KAT7: variants seen among roughly 807,000 people sequenced by gnomAD.
KAT7 encodes histone acetyltransferase KAT7.
KAT7 carries 10 observed loss-of-function variants against 82.1 expected under a neutral mutation model. The observed-to-expected ratio is 0.12, with a 90% CI of 0.08 to 0.21. KAT7 has a LOEUF of 0.21. Ranked by LOEUF, KAT7 falls within the 10% of genes least tolerant of loss-of-function variation. KAT7 has a pLI of 1.00. For synonymous variants in KAT7, 250 were observed against 262.5 expected, an observed-to-expected ratio of 0.95 and a Z score of 0.46; for missense variants, 378 against 760.9, an observed-to-expected ratio of 0.50 and a Z score of 5.92.
At chr17:49,802,224 T>C (rs2074033665) in intron 4 of KAT7, among the ~76,000 whole-genome samples, 1 of 152,212 alleles carries the variant, frequency 6.6e-6, no homozygotes, top group Non-Finnish European at 1.5e-5. Context: ...TGTATGTACA[T>C]ATTTTGGTGT....
chr17:49,826,160 T>C lies in KAT7; in HGVS notation c.1627+14T>C. 5 of 1,611,370 alleles carry C rather than the reference T, an allele frequency of 3.1e-6. No homozygotes were observed. Among genetic ancestry groups the C allele is most frequent in the Non-Finnish European group, 4.2e-6 (5 of 1,177,768 alleles). Reference sequence around the variant, plus strand: ...TTTCTATCAAAGGTTGGTTTTTGACTCCTTGGAATGGTTGATTGTTACCCA... The same window carrying C: ...TTTCTATCAAAGGTTGGTTTTTGACCCCTTGGAATGGTTGATTGTTACCCA... On this transcript the variant is annotated intron_variant, in intron 13 of 14. Transcript: ENST00000259021.
At chr17:49,797,067 T>G in intron 3 of KAT7, 141 bp downstream of exon 3, 1 of 149,808 alleles carries the variant, frequency 6.7e-6, no homozygotes. Context: ...TTCTTATGTC[T>G]TTTTTTTTTT....
At chr17:49,791,672 T>G (rs1442927431) in intron 1 of KAT7, among the ~76,000 whole-genome samples, 1 of 152,188 alleles carries the variant, frequency 6.6e-6, no homozygotes, top group African/African-American at 2.4e-5. Flanking sequence ...CTTCATTTAT[T>G]TAACAAAATT....
chr17:49,794,913 A>G (rs1382964194), intron 2 of KAT7, among the ~76,000 whole-genome samples: 1 of 152,206 alleles, frequency 6.6e-6, no homozygotes, highest in Non-Finnish European at 1.5e-5. Context: ...TTGGAGATGT[A>G]CAAATGGATA....
Position 49,831,942 on chromosome 17 carries a change from A to C in KAT7, c.*4440A>C. The C allele has an allele frequency of 6.7e-6, 1 of 150,176 alleles. No individual in the cohort carries two copies. Among genetic ancestry groups the C allele is most frequent in the East Asian group, 2.0e-4 (1 of 5,118 alleles). The allele number at this position is 150,176 out of a possible 1,614,324, so 9.3% of individuals were successfully genotyped here. A position where few individuals can be genotyped will look rare whatever the true frequency, so the allele number is the denominator to read the frequency against. Reference sequence around the variant, plus strand: ...CCAAAGTGCTGGGATTACAGGCGTGAGCCATTGCACCCAGCCATTTTTTTT... The same window carrying C: ...CCAAAGTGCTGGGATTACAGGCGTGCGCCATTGCACCCAGCCATTTTTTTT... On this transcript the variant is annotated 3_prime_UTR_variant, in exon 15 of 15. Transcript: ENST00000259021.
chr17:49,827,401 G>T lies in KAT7; in HGVS notation c.1735G>T (p.Asp579Tyr). The T allele has an allele frequency of 6.3e-7, 1 of 1,589,232 alleles. No individual in the cohort carries two copies. Among genetic ancestry groups the T allele is most frequent in the Non-Finnish European group, 8.6e-7 (1 of 1,157,502 alleles). Residue 579 changes from aspartate (D) to tyrosine (Y), a missense_variant and splice_region_variant, in exon 15 of 15, where the codon GAC becomes TAC. Asp to Tyr is a radical substitution (Grantham distance 160, BLOSUM62 -3). Transcript: ENST00000259021. The stretch of plus-strand genomic sequence containing the variant: ...CCTTTTTCCCATTGTTCTCCCTCAG[G>T]ACCTGATTGATGAGTGGATAGCCAA... ...KGKHLVLKRQ[D>Y]LIDEWIAKEA...
At chr17:49,818,401 C>G (rs574946126) in intron 9 of KAT7, among the ~76,000 whole-genome samples, 5 of 152,316 alleles carry the variant, frequency 3.3e-5, no homozygotes, top group Admixed American at 3.3e-4. Context: ...CTTCATATCC[C>G]TAGCAACTAG....
chr17:49,812,828 A>G (rs931168643), intron 7 of KAT7, among the ~76,000 whole-genome samples: 1 of 151,290 alleles, frequency 6.6e-6, no homozygotes, highest in Non-Finnish European at 1.5e-5. Flanking sequence ...TCAGCCTCCC[A>G]AGTAGCTGGG....
chr17:49,820,837 A>C (rs2143968824), intron 9 of KAT7, among the ~76,000 whole-genome samples: 3 of 150,510 alleles, frequency 2.0e-5, no homozygotes, highest in Middle Eastern at 6.9e-3. Context: ...GCAGGGGAGA[A>C]GGGCAGACAG....
rs147046894 is a variant in KAT7 at position 49,798,297 on chromosome 17, C to A, written c.341-22C>A. 14 of 1,609,750 alleles carry A rather than the reference C, an allele frequency of 8.7e-6. No homozygotes were observed. The Middle Eastern group carries it at 9.9e-4, about 114-fold the overall frequency. Reference sequence around the variant, plus strand: ...AATAAATGAACTCCACTCATAACTTCTACCAATTGCTTTTGCTTTAGAAAC... The same window carrying A: ...AATAAATGAACTCCACTCATAACTTATACCAATTGCTTTTGCTTTAGAAAC... On this transcript the variant is annotated intron_variant, in intron 3 of 14. Coordinates refer to ENST00000259021, the MANE Select transcript of KAT7 (RefSeq NM_007067.5).
At chr17:49,789,898 GAGA>G (rs2073863256) in intron 1 of KAT7, 1 of 152,170 alleles carries the variant, frequency 6.6e-6, no homozygotes, top group African/African-American at 2.4e-5. Flanking sequence ...AAAAGCCACA[GAGA>G]AGAGCTGAGT....
At chr17:49,811,617 T>C in intron 7 of KAT7, 43 bp downstream of exon 7, 1 of 990,950 alleles carries the variant, frequency 1.0e-6, no homozygotes, top group Non-Finnish European at 1.4e-6. Context: ...ACTCCTGCTA[T>C]CACATTTGAT....
At chr17:49,789,011 G>T in intron 1 of KAT7, 162 bp downstream of exon 1, 1 of 561,912 alleles carries the variant, frequency 1.8e-6, no homozygotes, top group Non-Finnish European at 2.9e-6. Context: ...AAAAATGTGG[G>T]CCCGACCCTG....
chr17:49,806,668 T>TA, intron 5 of KAT7, among the ~76,000 whole-genome samples: 1 of 152,366 alleles, frequency 6.6e-6, no homozygotes, highest in South Asian at 2.1e-4. Flanking sequence ...TGGTTTTACA[T>TA]AAAAATCTTC....
At position 49,804,634 on chromosome 17, in the gene KAT7, G is replaced by C. The variant is rs61285273; in HGVS notation, c.581-729G>C. Among the ~76,000 whole-genome samples the C allele has an allele frequency of 8.6e-3, 1,308 of 152,184 alleles. 20 individuals carry two copies. Among genetic ancestry groups the C allele is most frequent in the African/African-American group, 0.03 (1,233 of 41,522 alleles). On this transcript the variant is annotated intron_variant, in intron 4 of 14. Coordinates refer to ENST00000259021, the MANE Select transcript of KAT7 (RefSeq NM_007067.5). ...CAAAAAATTTTAAAATGGGCCCAGCGTGATGTTGTGAGCCTGTAGTCCCAG... is the reference window on the plus strand; with the variant it reads ...CAAAAAATTTTAAAATGGGCCCAGCCTGATGTTGTGAGCCTGTAGTCCCAG...
At chr17:49,796,622 T>C in intron 2 of KAT7, 128 bp from the exon 3 acceptor site, 1 of 650,866 alleles carries the variant, frequency 1.5e-6, no homozygotes, top group Non-Finnish European at 2.5e-6. Flanking sequence ...TAAATAGATA[T>C]TTTAAGGATT....
At chr17:49,821,487 CAT>C in intron 10 of KAT7, 61 bp downstream of exon 10, 12 of 1,527,950 alleles carry the variant, frequency 7.9e-6, no homozygotes, top group Non-Finnish European at 1.1e-5. Flanking sequence ...TTTCAGAAGG[CAT>C]ATGTTTTTTC....
intron 4 of KAT7, among the ~76,000 whole-genome samples, chr17:49,804,467 C>T (rs982829913): frequency 4.6e-5 from 7 of 151,886 alleles, no homozygotes; most frequent in Non-Finnish European, 1.0e-4. Context: ...AACATTTTTA[C>T]GTCTTCAGAA....
At position 49,833,742 on chromosome 17, in the gene KAT7, T is replaced by C. The variant is rs1321112072; in HGVS notation, c.*6240T>C. ...CTGAACGCACCCTCATGAGTGGCCC[T>C]TGCTGGTACCACATGACACTAAAGA... On this transcript the variant is annotated 3_prime_UTR_variant, in exon 15 of 15. Coordinates refer to ENST00000259021, the MANE Select transcript of KAT7 (RefSeq NM_007067.5). 2.6e-5 allele frequency: 4 copies of C among 152,334 alleles called. No homozygotes were observed. Among genetic ancestry groups the C allele is most frequent in the African/African-American group, 9.6e-5 (4 of 41,580 alleles). The allele number at this position is 152,334 out of a possible 1,614,324, so 9.4% of individuals were successfully genotyped here.
Sources: allele counts gnomAD v4.1 joint callset (sites outside exome capture counted in the v4.1 genomes callset), GRCh38; gene constraint gnomAD v4.1.1; transcripts MANE v1.5; gene names NCBI Gene and HGNC (gene_info 2026-07-23, HGNC 2026-07-21).